Variants in PCDHA6 observed in about 807,000 individuals in gnomAD.
PCDHA6 encodes protocadherin alpha 6, also known as protocadherin alpha-6.
Under a neutral mutation model 60.3 loss-of-function variants are expected in PCDHA6, and 55 were observed. The ratio of observed to expected loss-of-function variants is 0.91; its 90% CI spans 0.73 to 1.14. The LOEUF (loss-of-function observed/expected upper bound fraction) is 1.14, where lower values mean the gene tolerates loss of function less well. PCDHA6 is among the 50% of genes most tolerant of loss of function. The probability of loss-of-function intolerance (pLI) is 0.00; values close to 1 mark genes in which losing one functional copy is unlikely to be tolerated. For missense variants in PCDHA6, 1,327 were observed against 1,256.5 expected (o/e 1.06, Z -0.85); for synonymous variants, 652 against 557.9 (o/e 1.17, Z -2.38).
intron 1 of PCDHA6, among the ~76,000 whole-genome samples, chr5:140,845,081 A>G (rs1413873569): frequency 1.3e-5 from 2 of 149,512 alleles, no homozygotes; most frequent in Non-Finnish European, 3.0e-5. Flanking sequence ...ATTGTTTTGT[A>G]GTTTATTTTA....
chr5:140,862,621 C>T, intron 1 of PCDHA6: 1 of 528,720 alleles, frequency 1.9e-6, no homozygotes. Flanking sequence ...TAACAACCCG[C>T]GGGGCTGCCA....
chr5:140,883,822 C>T, intron 1 of PCDHA6: 2 of 1,612,484 alleles, frequency 1.2e-6, no homozygotes, highest in Non-Finnish European at 1.7e-6. Flanking sequence ...GCAAGGTGTA[C>T]GCGCTGCAGC....
intron 1 of PCDHA6, chr5:140,856,917 G>C (rs782649806): frequency 6.3e-7 from 1 of 1,595,592 alleles, no homozygotes; most frequent in Non-Finnish European, 8.6e-7. Context: ...ACGATAAGAA[G>C]GAAATTTTGG....
intron 3 of PCDHA6, among the ~76,000 whole-genome samples, chr5:140,983,660 A>G (rs1460631508): frequency 6.6e-6 from 1 of 152,244 alleles, no homozygotes; most frequent in African/African-American, 2.4e-5. Context: ...TAAGTGGCAG[A>G]GGGTAGGATT....
chr5:140,851,036 T>C lies in PCDHA6; in HGVS notation c.2394+20551T>C. 2 of 1,401,900 alleles carry C rather than the reference T, an allele frequency of 1.4e-6. 1 individual carries two copies. The highest frequency in any genetic ancestry group is 3.7e-5 in the South Asian group (2 of 53,334). 86.8% of individuals were successfully genotyped at this position (1,401,900 alleles called of 1,614,324 possible). The stretch of plus-strand genomic sequence containing the variant: ...TTCTGATAAAGTAAACCCCTTAACA[T>C]TGGAGCCGACTTTGTCTTGACTTCT... On this transcript the variant is annotated intron_variant, in intron 1 of 3. Transcript: ENST00000529310.
chr5:140,986,074 T>C (rs1342378005), intron 3 of PCDHA6, among the ~76,000 whole-genome samples: 1 of 152,124 alleles, frequency 6.6e-6, no homozygotes, highest in African/African-American at 2.4e-5. Context: ...AAAGAAACTG[T>C]TCATTTATTT....
chr5:140,859,050 C>T lies in PCDHA6; in HGVS notation c.2394+28565C>T, dbSNP rs1375477710. ...TGCTTTGAACTTTAAAAACGTTTTC[C>T]ATTTTTATTTTAGTTGTAGTGGTAC... On this transcript the variant is annotated intron_variant, in intron 1 of 3. Transcript: ENST00000529310. 1.3e-5 allele frequency: 2 copies of T among 150,490 alleles called. 1 individual carries two copies. The highest frequency in any genetic ancestry group is 3.0e-5 in the Non-Finnish European group (2 of 67,566). The allele number at this position is 150,490 out of a possible 1,614,324, so 9.3% of individuals were successfully genotyped here.
At chr5:140,959,697 CTTTGAAAGGGA>C (rs2095506406) in intron 1 of PCDHA6, among the ~76,000 whole-genome samples, 1 of 152,008 alleles carries the variant, frequency 6.6e-6, no homozygotes, top group Non-Finnish European at 1.5e-5. Flanking sequence ...ATAAAATGAG[CTTTGAAAGGGA>C]AAATTTTTAG....
At chr5:141,006,130 TAGAAAGCTTAAGC>T (rs2098257447) in intron 3 of PCDHA6, among the ~76,000 whole-genome samples, 1 of 150,362 alleles carries the variant, frequency 6.7e-6, no homozygotes. Context: ...CTCAAGGCAG[TAGAAAGCTTAAGC>T]AGAGGAGTGA....
chr5:140,852,681 T>A, intron 1 of PCDHA6: 1 of 968,122 alleles, frequency 1.0e-6, no homozygotes, highest in Non-Finnish European at 1.2e-6. Context: ...TCACCTTGAA[T>A]ATAGTCTTAT....
chr5:140,906,822 T>C (rs2072968102), intron 1 of PCDHA6, among the ~76,000 whole-genome samples: 1 of 152,142 alleles, frequency 6.6e-6, no homozygotes, highest in African/African-American at 2.4e-5. Context: ...CACTGTGGAG[T>C]AGTAGACTGA....
chr5:140,963,300 TAAG>T (rs1387833703), intron 1 of PCDHA6, among the ~76,000 whole-genome samples: 2 of 152,120 alleles, frequency 1.3e-5, no homozygotes, highest in African/African-American at 4.8e-5. Flanking sequence ...GGAGAGAAAA[TAAG>T]AAGCTGTTTG....
rs1049748990 is a variant in PCDHA6 at position 140,844,585 on chromosome 5, G to A, written c.2394+14100G>A. Among the ~76,000 whole-genome samples the A allele has an allele frequency of 2.7e-5, 4 of 149,128 alleles. 1 individual carries two copies. Among genetic ancestry groups the A allele is most frequent in the Non-Finnish European group, 6.0e-5 (4 of 66,698 alleles). ...TTTCAATAATATTCCACATTAAAGT[G>A]ATATTTAATATATGACTTAGAAAAA... On this transcript the variant is annotated intron_variant, in intron 1 of 3. Coordinates refer to ENST00000529310, the MANE Select transcript of PCDHA6 (RefSeq NM_018909.4).
intron 1 of PCDHA6, chr5:140,834,394 C>A (rs2150216490): frequency 1.3e-6 from 2 of 1,596,908 alleles, no homozygotes; most frequent in Admixed American, 1.7e-5. Flanking sequence ...ATGGTGTGCC[C>A]GAATGGATAC....
At chr5:140,980,595 A>G (rs2096897056) in intron 2 of PCDHA6, among the ~76,000 whole-genome samples, 1 of 152,222 alleles carries the variant, frequency 6.6e-6, no homozygotes, top group South Asian at 2.1e-4. Context: ...GAGCCACTGC[A>G]CTCCAGCCTG....
intron 1 of PCDHA6, among the ~76,000 whole-genome samples, chr5:140,973,232 G>A (rs1307717074): frequency 6.6e-6 from 1 of 152,196 alleles, no homozygotes; most frequent in Non-Finnish European, 1.5e-5. Context: ...ATAGTGACCT[G>A]AAAGAGTTAA....
At chr5:140,849,516 G>A in intron 1 of PCDHA6, 2 of 1,597,278 alleles carry the variant, frequency 1.3e-6, no homozygotes, top group East Asian at 2.2e-5. Flanking sequence ...TGTGGAAGTT[G>A]TGGATGTAAA....
At chr5:140,845,517 A>G (rs1554140912) in intron 1 of PCDHA6, among the ~76,000 whole-genome samples, 1 of 149,602 alleles carries the variant, frequency 6.7e-6, no homozygotes, top group Non-Finnish European at 1.5e-5. Context: ...TTTCTTGTAC[A>G]TTAATACTTT....
At chr5:140,969,342 G>A in intron 1 of PCDHA6, 1 of 1,613,630 alleles carries the variant, frequency 6.2e-7, no homozygotes, top group Non-Finnish European at 8.5e-7. Flanking sequence ...GTGAGACAGT[G>A]GTCAGGGGGT....
Sources: allele counts gnomAD v4.1 joint callset (sites outside exome capture counted in the v4.1 genomes callset), GRCh38; gene constraint gnomAD v4.1.1; transcripts MANE v1.5; gene names NCBI Gene and HGNC (gene_info 2026-07-23, HGNC 2026-07-21).